Variants in ALG10 observed in about 807,000 individuals in gnomAD.
The protein encoded by ALG10 is ALG10 alpha-1,2-glucosyltransferase, also known as dol-P-Glc:Glc(2)Man(9)GlcNAc(2)-PP-Dol alpha-1,2-glucosyltransferase A.
Under a neutral mutation model 39.2 loss-of-function variants are expected in ALG10, and 25 were observed. The ratio of observed to expected loss-of-function variants is 0.64; its 90% CI spans 0.46 to 0.89. ALG10 has a LOEUF of 0.89. ALG10 is among the 40% of genes least tolerant of loss of function. The pLI, the probability that ALG10 is intolerant of heterozygous loss-of-function variation, is 0.00. For missense variants in ALG10, 486 were observed against 546.6 expected (o/e 0.89, Z 1.11); for synonymous variants, 184 against 193.9 (o/e 0.95, Z 0.42).
In ALG10 at chr12:34,026,063, C is replaced by T. The variant is rs1352582829; in HGVS notation, c.570C>T (p.Ile190=). Residue 190 remains isoleucine (I), a synonymous_variant, in exon 3 of 3, where the codon ATC becomes ATT. Transcript: ENST00000266483. ...FCGFMFRQTN[I]IWAVFCAGNV... is the part of the protein sequence containing the mutation. ...GCTTCATGTTTCGGCAAACAAATAT[C>T]ATCTGGGCTGTCTTCTGTGCAGGAA... 6 of 1,614,014 alleles carry T rather than the reference C, an allele frequency of 3.7e-6. No individual in the cohort carries two copies.
rs761440122 is a variant in ALG10 at position 34,026,136 on chromosome 12, A to G, written c.643A>G (p.Lys215Glu). The change falls in exon 3 of 3, where the codon AAG becomes GAG. Residue 215 changes from lysine (K) to glutamate (E), a missense_variant. Lys to Glu is a moderately conservative substitution (Grantham distance 56). Coordinates refer to ENST00000266483, the MANE Select transcript of ALG10 (RefSeq NM_032834.4). ...GGAGGCTTGGAAAACTGAGCTACAA[A>G]AGAAGGAAGACAGACTTCCACCTAT... ...LTEAWKTELQ[K>E]KEDRLPPIKG... 1 of 1,614,086 alleles carries G rather than the reference A, an allele frequency of 6.2e-7. No homozygotes were observed. The highest frequency in any genetic ancestry group is 2.2e-5 in the East Asian group (1 of 44,858).
Position 34,022,785 on chromosome 12 carries a change from C to G in ALG10, c.171+15C>G. The G allele has an allele frequency of 6.2e-7, 1 of 1,614,142 alleles. No homozygotes were observed. The highest frequency in any genetic ancestry group is 8.5e-7 in the Non-Finnish European group (1 of 1,180,022). On this transcript the variant is annotated intron_variant, in intron 1 of 2. Transcript: ENST00000266483. The stretch of plus-strand genomic sequence containing the variant: ...CCCTTTCCCAGGTGGGGTCCCCAAC[C>G]TGTCCCCACCCCAGGAGAGGCCTGA...
rs987758842 is a variant in ALG10, at chr12:34,027,164, A to G, written c.*249A>G. On this transcript the variant is annotated 3_prime_UTR_variant, in exon 3 of 3. Coordinates refer to ENST00000266483, the MANE Select transcript of ALG10 (RefSeq NM_032834.4). ...AAATTGTTTTCAGATATCTCATATCACTCTCATAATGTTGGCCCCTTAAAA... is the reference window on the plus strand; with the variant it reads ...AAATTGTTTTCAGATATCTCATATCGCTCTCATAATGTTGGCCCCTTAAAA... The G allele has an allele frequency of 1.8e-5, 6 of 337,634 alleles. No homozygotes were observed. The highest frequency in any genetic ancestry group is 5.4e-5 in the East Asian group (1 of 18,540). The allele number at this position is 337,634 out of a possible 1,614,324, so 20.9% of individuals were successfully genotyped here.
Position 34,022,661 on chromosome 12 carries a change from GCCT to G in ALG10, c.67_69del (p.Leu23del), listed in dbSNP as rs768282242. 23 of 1,614,002 alleles carry G rather than the reference GCCT, an allele frequency of 1.4e-5. No individual in the cohort carries two copies. The highest frequency in any genetic ancestry group is 1.9e-5 in the Non-Finnish European group (22 of 1,179,994). Reference sequence around the variant, plus strand: ...TTGAGCTGTACCTTTTTAGTATCCTGCCTCCTCTTCTCCGCCTTCAGCCGGGCG... The same window carrying G: ...TTGAGCTGTACCTTTTTAGTATCCTGCCTCTTCTCCGCCTTCAGCCGGGCG... On this transcript the variant is annotated inframe_deletion, in exon 1 of 3. Coordinates refer to ENST00000266483, the MANE Select transcript of ALG10 (RefSeq NM_032834.4).
rs780725956 is a variant in ALG10 at position 34,026,491 on chromosome 12, C to CT, written c.999dup (p.Val334CysfsTer12). The CT allele has an allele frequency of 2.5e-6, 4 of 1,613,758 alleles. No individual in the cohort carries two copies. In the East Asian group the frequency reaches 8.9e-5, roughly 36 times the overall value. Reference sequence around the variant, plus strand: ...CTGTTTTTTGTGGTTACCTTAGTCTCTGTGTTTTTAGTTTGGAAATTCACT... The same window carrying CT: ...CTGTTTTTTGTGGTTACCTTAGTCTCTTGTGTTTTTAGTTTGGAAATTCACT... On this transcript the variant is annotated frameshift_variant, in exon 3 of 3. Transcript: ENST00000266483. LOFTEE classifies it high-confidence loss of function.
chr12:34,026,234 G>C lies in ALG10; in HGVS notation c.741G>C (p.Leu247Phe), dbSNP rs768107400. 2 of 1,613,900 alleles carry C rather than the reference G, an allele frequency of 1.2e-6. No individual in the cohort carries two copies. Among genetic ancestry groups the C allele is most frequent in the African/African-American group, 1.3e-5 (1 of 74,914 alleles). The change falls in exon 3 of 3, where the codon TTG (leucine) becomes TTC (phenylalanine). Residue 247 changes from leucine to phenylalanine, a missense_variant. Transcript: ENST00000266483. ...CTTATTCCATGTCCTTTAAAAACTT[G>C]AGTATGCTTTTGCTTCTGACTTGGC... The part of the protein sequence containing the change: ...LLAYSMSFKN[L>F]SMLLLLTWPY...
At chr12:34,022,417 C>T, upstream of ALG10, 1 of 952,016 alleles carries the variant, frequency 1.1e-6, no homozygotes, top group Admixed American at 2.1e-5. Context: ...CCCGTCACTC[C>T]GGGAAACAGC....
rs1301900035 is a variant in ALG10, at chr12:34,022,763, T to C, written c.164T>C (p.Leu55Pro). 1.2e-6 allele frequency: 2 copies of C among 1,614,144 alleles called. No individual in the cohort carries two copies. The highest frequency in any genetic ancestry group is 3.3e-5 in the Admixed American group (2 of 60,024). Reference protein sequence around the residue: ...AQRYCEGHFSLSQWDPMITTL... With the variant: ...AQRYCEGHFSPSQWDPMITTL... ...CGCTACTGTGAGGGCCATTTCTCCCTTTCCCAGGTGGGGTCCCCAACCTGT... is the reference window on the plus strand; with the variant it reads ...CGCTACTGTGAGGGCCATTTCTCCCCTTCCCAGGTGGGGTCCCCAACCTGT... The change falls in exon 1 of 3, where the codon CTT (leucine) becomes CCT (proline). Residue 55 changes from leucine to proline, a missense_variant. Leu to Pro is a moderately conservative substitution (Grantham distance 98). Transcript: ENST00000266483.
upstream of ALG10, chr12:34,022,488 G>C: frequency 6.4e-7 from 1 of 1,561,738 alleles, no homozygotes; most frequent in Non-Finnish European, 8.8e-7. Context: ...ATGTGGCCCC[G>C]TCTGGCTAGT....
Position 34,026,536 on chromosome 12 carries a change from T to C in ALG10, c.1043T>C (p.Leu348Pro). Residue 348 changes from leucine (L) to proline (P), a missense_variant, in exon 3 of 3, where the codon CTA becomes CCA. By Grantham distance (98) the Leu-to-Pro change is moderately conservative. Transcript: ENST00000266483. ...TTCACTTATGCTCATAAATACTTGC[T>C]AGCAGACAATAGACATTATACTTTC... ...WKFTYAHKYL[L>P]ADNRHYTFYV... 6.2e-7 allele frequency: 1 copy of C among 1,613,840 alleles called. No homozygotes were observed. Among genetic ancestry groups the C allele is most frequent in the East Asian group, 2.2e-5 (1 of 44,838 alleles).
intron 2 of ALG10, among the ~76,000 whole-genome samples, chr12:34,024,595 G>A (rs1455584191): frequency 6.6e-6 from 1 of 152,142 alleles, no homozygotes; most frequent in Non-Finnish European, 1.5e-5. Flanking sequence ...CACTTAACCA[G>A]TTTTGTTACC....
At chr12:34,022,493 G>T (rs946158985), upstream of ALG10, 2 of 1,578,736 alleles carry the variant, frequency 1.3e-6, no homozygotes, top group Non-Finnish European at 1.7e-6. Flanking sequence ...GCCCCGTCTG[G>T]CTAGTCCCGC....
chr12:34,023,658 CTG>C (rs1942802172), intron 1 of ALG10: 2 of 391,994 alleles, frequency 5.1e-6, no homozygotes, highest in Non-Finnish European at 4.8e-6. Flanking sequence ...CTTTTAAAAA[CTG>C]GAACATTTGC....
rs766763492 is a variant in ALG10 at position 34,026,275 on chromosome 12, G to A, written c.782G>A (p.Gly261Glu). 6.2e-7 allele frequency: 1 copy of A among 1,614,042 alleles called. No homozygotes were observed. The highest frequency in any genetic ancestry group is 1.1e-5 in the South Asian group (1 of 91,084). Residue 261 changes from glycine to glutamate, a missense_variant, in exon 3 of 3, where the codon GGA (glycine) becomes GAA (glutamate). By Grantham distance (98) the Gly-to-Glu change is moderately conservative. Transcript: ENST00000266483. ...CTGACTTGGCCCTACATCCTTCTGG[G>A]ATTTCTGTTTTGTGCTTTTGTAGTA... ...LLLTWPYILL[G>E]FLFCAFVVVN...
rs1310968920 is a variant in ALG10 at position 34,022,665 on chromosome 12, C to T, written c.66C>T (p.Leu22=). The T allele has an allele frequency of 6.2e-7, 1 of 1,614,040 alleles. No individual in the cohort carries two copies. Among genetic ancestry groups the T allele is most frequent in the Non-Finnish European group, 8.5e-7 (1 of 1,180,012 alleles). ...GCTGTACCTTTTTAGTATCCTGCCT[C>T]CTCTTCTCCGCCTTCAGCCGGGCGT... ...ALSCTFLVSC[L]LFSAFSRALR... The change falls in exon 1 of 3, where the codon CTC becomes CTT. Residue 22 remains leucine (L), a synonymous_variant. Transcript: ENST00000266483.
At chr12:34,022,884 C>T in intron 1 of ALG10, 114 bp downstream of exon 1, 8 of 1,437,104 alleles carry the variant, frequency 5.6e-6, no homozygotes, top group Non-Finnish European at 7.6e-6. Flanking sequence ...AGCCTCAGAA[C>T]ATGAAAGAAA....
chr12:34,024,017 T>C lies in ALG10; in HGVS notation c.227T>C (p.Ile76Thr). 1 of 1,614,182 alleles carries C rather than the reference T, an allele frequency of 6.2e-7. No individual in the cohort carries two copies. Among genetic ancestry groups the C allele is most frequent in the Non-Finnish European group, 8.5e-7 (1 of 1,180,018 alleles). The part of the protein sequence containing the change: ...PGLYLVSIGV[I>T]KPAIWIFGWS... ...TTGTACCTGGTGTCAATTGGAGTGA[T>C]CAAACCTGCCATTTGGATCTTTGGA... The change falls in exon 2 of 3, where the codon ATC becomes ACC. Residue 76 changes from isoleucine to threonine, a missense_variant. Coordinates refer to ENST00000266483, the MANE Select transcript of ALG10 (RefSeq NM_032834.4).
At chr12:34,023,882 T>C in intron 1 of ALG10, 80 bp from the exon 2 acceptor site, 3 of 1,532,712 alleles carry the variant, frequency 2.0e-6, no homozygotes, top group Non-Finnish European at 1.8e-6. Flanking sequence ...TTGCTGGAGA[T>C]GAGACTTGGG....
Position 34,025,946 on chromosome 12 carries a change from T to C in ALG10, c.453T>C (p.Tyr151=). The change falls in exon 3 of 3, where the codon TAT becomes TAC. Residue 151 remains tyrosine (Y), a synonymous_variant. Transcript: ENST00000266483. ...PTLYFFNFLY[Y]TEAGSMFFTL... is the part of the protein sequence containing the mutation. ...TTTATTTTTTTAACTTCCTTTATTATACAGAAGCAGGATCTATGTTTTTTA... is the reference window on the plus strand; with the variant it reads ...TTTATTTTTTTAACTTCCTTTATTACACAGAAGCAGGATCTATGTTTTTTA... 1 of 1,614,060 alleles carries C rather than the reference T, an allele frequency of 6.2e-7. No homozygotes were observed. Among genetic ancestry groups the C allele is most frequent in the Non-Finnish European group, 8.5e-7 (1 of 1,179,926 alleles).
Sources: gnomAD v4.1 joint callset for allele counts (sites outside exome capture counted in the v4.1 genomes callset) on GRCh38, gnomAD v4.1.1 for gene constraint, MANE v1.5 for transcripts, NCBI Gene and HGNC (gene_info 2026-07-23, HGNC 2026-07-21) for gene names.